Variants in AKT3 observed in about 807,000 individuals in gnomAD.
AKT3 encodes the protein RAC-gamma serine/threonine-protein kinase.
A neutral mutation model predicts 65.3 loss-of-function variants in AKT3; 15 were observed. The ratio of observed to expected loss-of-function variants is 0.23; its 90% CI spans 0.15 to 0.35. The LOEUF (loss-of-function observed/expected upper bound fraction) is 0.35, where lower values mean the gene tolerates loss of function less well. Ranked by LOEUF, AKT3 falls within the 10% of genes least tolerant of loss-of-function variation. The pLI is 1.00. For synonymous variants in AKT3, 206 were observed against 183.8 expected (o/e 1.12, Z -0.98); for missense variants, 243 against 576.5 (o/e 0.42, Z 5.92).
intron 8 of AKT3, among the ~76,000 whole-genome samples, chr1:243,575,269 T>G (rs1339003611): frequency 5.3e-5 from 8 of 152,182 alleles, no homozygotes; most frequent in African/African-American, 1.7e-4. Context: ...CTAATCCTTC[T>G]CAGTTTCTAC....
intron 13 of AKT3, among the ~76,000 whole-genome samples, chr1:243,510,012 T>C (rs555962951): frequency 1.3e-4 from 20 of 152,336 alleles, no homozygotes; most frequent in Non-Finnish European, 2.8e-4. Flanking sequence ...AAGTAAAATA[T>C]CTACTCCTGG....
intron 2 of AKT3, among the ~76,000 whole-genome samples, chr1:243,770,424 C>T (rs1004084294): frequency 5.9e-5 from 9 of 152,110 alleles, no homozygotes; most frequent in Admixed American, 6.6e-5. Flanking sequence ...ATTTCAGTCT[C>T]CTAATTCCAA....
chr1:243,628,909 T>G (rs1679385341), intron 6 of AKT3, among the ~76,000 whole-genome samples: 1 of 152,236 alleles, frequency 6.6e-6, no homozygotes, highest in Non-Finnish European at 1.5e-5. Flanking sequence ...CATGTGTGGA[T>G]GTACACCCAT....
At chr1:243,789,530 T>C (rs1691485122) in intron 2 of AKT3, among the ~76,000 whole-genome samples, 1 of 152,262 alleles carries the variant, frequency 6.6e-6, no homozygotes, top group Non-Finnish European at 1.5e-5. Flanking sequence ...CATCTGCAGT[T>C]ACTTTCTTCT....
intron 2 of AKT3, among the ~76,000 whole-genome samples, chr1:243,703,698 T>C (rs1685609959): frequency 6.9e-6 from 1 of 145,218 alleles, no homozygotes; most frequent in African/African-American, 2.6e-5. Flanking sequence ...AAGCGGGAGG[T>C]TGCAGTGAGC....
chr1:243,698,771 A>ATAC (rs1406177159), intron 2 of AKT3, among the ~76,000 whole-genome samples: 3 of 152,244 alleles, frequency 2.0e-5, no homozygotes, highest in African/African-American at 7.2e-5. Flanking sequence ...TTATACTGTG[A>ATAC]TACTAAGCCA....
rs1678196361 is a variant in AKT3, at chr1:243,615,110, G to A, written c.613C>T (p.His205Tyr). 1.9e-6 allele frequency: 3 copies of A among 1,607,744 alleles called. No homozygotes were observed. The highest frequency in any genetic ancestry group is 2.6e-6 in the Non-Finnish European group (3 of 1,175,982). ...TESRVLKNTR[H>Y]PFLTSLKYSF... ...TAGTCACTTACTGTTAAAAAGGGAT[G>A]TCTAGTGTTCTTTAATACTCTGCTT... The change falls in exon 7 of 14, where the codon CAT becomes TAT. Residue 205 changes from histidine (H) to tyrosine (Y), a missense_variant. Physicochemically the swap from His to Tyr is moderately conservative, Grantham distance 83 (BLOSUM62 2). Around this residue, in one of 6 missense-constraint regions of AKT3, gnomAD observed 61 missense variants for 163.3 expected, o/e 0.37. Transcript: ENST00000673466.
In AKT3 at chr1:243,848,515, G is replaced by T. The variant is rs555235968; in HGVS notation, c.-113+1525C>A. ...TTCATTTCCTACACCATCTTTATTA[G>T]ACTCTTCCACCTTCGTTTTCCTAAG... is the stretch of plus-strand genomic sequence containing the variant. On this transcript the variant is annotated intron_variant, in intron 1 of 13. Transcript: ENST00000673466. 1.5e-3 allele frequency among the ~76,000 whole-genome samples: 228 copies of T among 152,232 alleles called. 1 individual carries two copies. Among genetic ancestry groups the T allele is most frequent in the African/African-American group, 5.3e-3 (220 of 41,532 alleles).
intron 12 of AKT3, among the ~76,000 whole-genome samples, chr1:243,527,904 C>A (rs1241262742): frequency 8.6e-6 from 1 of 115,700 alleles, no homozygotes; most frequent in African/African-American, 4.4e-5. Context: ...CACACACACA[C>A]ACACACACAC....
At chr1:243,654,476 T>C (rs1048477886) in intron 4 of AKT3, among the ~76,000 whole-genome samples, 2 of 152,176 alleles carry the variant, frequency 1.3e-5, no homozygotes, top group Non-Finnish European at 2.9e-5. Flanking sequence ...ACAAATCTTA[T>C]CAAATTATTG....
intron 3 of AKT3, among the ~76,000 whole-genome samples, chr1:243,684,201 A>G (rs1423452078): frequency 6.6e-6 from 1 of 152,036 alleles, no homozygotes; most frequent in East Asian, 1.9e-4. Context: ...GTACATGTGC[A>G]GAACGTGCAG....
chr1:243,779,719 T>C (rs1230018167), intron 2 of AKT3, among the ~76,000 whole-genome samples: 3 of 152,040 alleles, frequency 2.0e-5, no homozygotes, highest in Non-Finnish European at 2.9e-5. Context: ...GTTAATACTA[T>C]TTTCCACTAA....
In AKT3 at chr1:243,500,761, T is replaced by C; in HGVS notation, c.*4488A>G. The C allele has an allele frequency of 4.4e-6, 1 of 228,926 alleles. No individual in the cohort carries two copies. Among genetic ancestry groups the C allele is most frequent in the Non-Finnish European group, 8.6e-6 (1 of 115,610 alleles). The allele number at this position is 228,926 out of a possible 1,614,324, so 14.2% of individuals were successfully genotyped here. ...CCTTGCCTCTCAGAAGTGATGTGGA[T>C]TAGGCTTTGGAGGCGGTGGCATGAT... On this transcript the variant is annotated 3_prime_UTR_variant, in exon 14 of 14. Transcript: ENST00000673466.
At chr1:243,621,466 C>G (rs532683554) in intron 6 of AKT3, among the ~76,000 whole-genome samples, 1 of 152,262 alleles carries the variant, frequency 6.6e-6, no homozygotes, top group Non-Finnish European at 1.5e-5. Context: ...CTGTAAGCAT[C>G]TCCAGGACTC....
chr1:243,845,012 G>T (rs910460432), intron 1 of AKT3, among the ~76,000 whole-genome samples: 6 of 152,128 alleles, frequency 3.9e-5, no homozygotes, highest in African/African-American at 1.4e-4. Context: ...TGGATAGATG[G>T]ACTACACAAA....
At chr1:243,545,722 A>G in intron 11 of AKT3, 125 bp from the exon 12 acceptor site, 1 of 635,650 alleles carries the variant, frequency 1.6e-6, no homozygotes, top group East Asian at 2.7e-5. Flanking sequence ...AAATAGCTCT[A>G]AAAGTAAAAA....
At chr1:243,623,733 G>C (rs1469951577) in intron 6 of AKT3, among the ~76,000 whole-genome samples, 1 of 152,160 alleles carries the variant, frequency 6.6e-6, no homozygotes, top group Non-Finnish European at 1.5e-5. Flanking sequence ...CTTGGACGGA[G>C]ATACGTTACC....
At chr1:243,533,745 C>T (rs1477728994) in intron 12 of AKT3, among the ~76,000 whole-genome samples, 1 of 151,986 alleles carries the variant, frequency 6.6e-6, no homozygotes, top group East Asian at 1.9e-4. Context: ...AATCCCAGCA[C>T]TTTGGGAGGC....
At chr1:243,587,559 C>T (rs955935230) in intron 8 of AKT3, among the ~76,000 whole-genome samples, 17 of 151,998 alleles carry the variant, frequency 1.1e-4, no homozygotes, top group African/African-American at 3.9e-4. Context: ...TGCAGTAAGC[C>T]GAGACTGCAC....
Sources: allele counts gnomAD v4.1 joint callset (sites outside exome capture counted in the v4.1 genomes callset), GRCh38; gene constraint gnomAD v4.1.1; regional missense constraint gnomAD v4.1.1; transcripts MANE v1.5; gene names NCBI Gene and HGNC (gene_info 2026-07-23, HGNC 2026-07-21).